CKAP5: variants seen among roughly 807,000 people sequenced by gnomAD.
The protein encoded by CKAP5 is cytoskeleton-associated protein 5.
CKAP5 carries 27 observed loss-of-function variants against 232.8 expected under a neutral mutation model. The ratio of observed to expected loss-of-function variants is 0.12; its 90% CI spans 0.09 to 0.16. The LOEUF (loss-of-function observed/expected upper bound fraction) is 0.16. Ranked by LOEUF, CKAP5 falls within the 10% of genes least tolerant of loss-of-function variation. CKAP5 has a pLI of 1.00. For missense variants in CKAP5, 1,838 were observed against 2,424.7 expected, an observed-to-expected ratio of 0.76 and a Z score of 5.08; for synonymous variants, 785 against 841.1, an observed-to-expected ratio of 0.93 and a Z score of 1.16.
chr11:46,797,989 T>C lies in CKAP5; in HGVS notation c.1174-20A>G. ...TGTGGTCTTTAGAAAGAAAATGTGG[T>C]TAATGAGCTTTTTTCAATTGTAAAG... On this transcript the variant is annotated intron_variant, in intron 10 of 43. Coordinates refer to ENST00000529230, the MANE Select transcript of CKAP5 (RefSeq NM_001008938.4). The C allele has an allele frequency of 6.2e-7, 1 of 1,608,062 alleles. No homozygotes were observed. The highest frequency in any genetic ancestry group is 8.5e-7 in the Non-Finnish European group (1 of 1,178,004).
At position 46,743,908 on chromosome 11, in the gene CKAP5, G is replaced by C. The variant is rs1023346479; in HGVS notation, c.*115C>G. ...CAATGACTCCTCCCCCTAGCTCCAC[G>C]GCATGATACATACAACCAGTTTGTA... On this transcript the variant is annotated 3_prime_UTR_variant, in exon 44 of 44. Coordinates refer to ENST00000529230, the MANE Select transcript of CKAP5 (RefSeq NM_001008938.4). The C allele has an allele frequency of 2.2e-5, 29 of 1,313,160 alleles. No individual in the cohort carries two copies. The highest frequency in any genetic ancestry group is 3.0e-5 in the Non-Finnish European group (28 of 934,992). 81.3% of individuals were successfully genotyped at this position (1,313,160 alleles called of 1,614,324 possible). A position where few individuals can be genotyped will look rare whatever the true frequency, so the allele number is the denominator to read the frequency against.
At chr11:46,756,508 T>A (rs964665373) in intron 35 of CKAP5, among the ~76,000 whole-genome samples, 1 of 152,242 alleles carries the variant, frequency 6.6e-6, no homozygotes, top group Non-Finnish European at 1.5e-5. Flanking sequence ...CTTTAGGGTA[T>A]ACTTATTAAC....
intron 42 of CKAP5, among the ~76,000 whole-genome samples, chr11:46,747,723 T>C (rs2065032595): frequency 6.6e-6 from 1 of 151,976 alleles, no homozygotes; most frequent in African/African-American, 2.4e-5. Flanking sequence ...AAATAGCCAG[T>C]GCAAAGGCCC....
intron 36 of CKAP5, among the ~76,000 whole-genome samples, chr11:46,754,573 C>A (rs764123935): frequency 1.2e-4 from 19 of 152,014 alleles, no homozygotes; most frequent in Non-Finnish European, 2.8e-4. Context: ...CTGATCAAAC[C>A]AGGCTAATTA....
intron 24 of CKAP5, among the ~76,000 whole-genome samples, chr11:46,771,594 T>C (rs1188358830): frequency 6.6e-6 from 1 of 152,192 alleles, no homozygotes; most frequent in Non-Finnish European, 1.5e-5. Flanking sequence ...ATTCCATGTA[T>C]GGATGTACAA....
intron 1 of CKAP5, among the ~76,000 whole-genome samples, chr11:46,822,832 T>C (rs1939571105): frequency 6.6e-6 from 1 of 151,206 alleles, no homozygotes; most frequent in Non-Finnish European, 1.5e-5. Flanking sequence ...CTAGCAAACA[T>C]GACTAGTCAA....
chr11:46,822,568 G>A (rs568953645), intron 1 of CKAP5, among the ~76,000 whole-genome samples: 17 of 151,834 alleles, frequency 1.1e-4, no homozygotes, highest in Non-Finnish European at 1.9e-4. Flanking sequence ...TGGCTAACAC[G>A]GTGAAATCCC....
rs1179495361 is a variant in CKAP5, at chr11:46,743,869, A to AAAT, written c.*151_*153dup. On this transcript the variant is annotated 3_prime_UTR_variant, in exon 44 of 44. Coordinates refer to ENST00000529230, the MANE Select transcript of CKAP5 (RefSeq NM_001008938.4). ...TGACAGAGAGAAGCAGAGTATGTAC[A>AAAT]AATACTTGTGCCACAATGACTCCTC... 7.7e-6 allele frequency: 7 copies of AAAT among 903,468 alleles called. No individual in the cohort carries two copies. The Admixed American group carries it at 1.5e-4, about 19-fold the overall frequency. 56.0% of individuals were successfully genotyped at this position (903,468 alleles called of 1,614,324 possible). A position where few individuals can be genotyped will look rare whatever the true frequency, so the allele number is the denominator to read the frequency against.
At chr11:46,787,182 G>A (rs1039652129) in intron 16 of CKAP5, among the ~76,000 whole-genome samples, 5 of 152,112 alleles carry the variant, frequency 3.3e-5, no homozygotes, top group African/African-American at 1.2e-4. Flanking sequence ...TGGTGTGAGA[G>A]GAAGAGGGCA....
At chr11:46,812,785 G>C (rs941953867) in intron 4 of CKAP5, among the ~76,000 whole-genome samples, 3 of 151,902 alleles carry the variant, frequency 2.0e-5, no homozygotes, top group Non-Finnish European at 4.4e-5. Flanking sequence ...CTACAGAGGG[G>C]CACCACCATG....
chr11:46,754,189 G>C (rs1164425944), intron 36 of CKAP5, among the ~76,000 whole-genome samples: 1 of 151,878 alleles, frequency 6.6e-6, no homozygotes, highest in Non-Finnish European at 1.5e-5. Context: ...AGTAGAGATG[G>C]GGTTTCACCA....
intron 24 of CKAP5, among the ~76,000 whole-genome samples, chr11:46,772,033 CTT>C (rs57706275): frequency 0.64 from 90,564 of 142,080 alleles, 29,973 homozygotes; most frequent in Non-Finnish European, 0.75. Context: ...CACTGAGCAT[CTT>C]TTTTTTTTTT....
chr11:46,752,855 ATTCAG>A (rs1356999218), intron 37 of CKAP5, 145 bp from the exon 38 acceptor site: 1 of 587,948 alleles, frequency 1.7e-6, no homozygotes, highest in African/African-American at 1.9e-5. Context: ...ACTACCTGAC[ATTCAG>A]TTAAGAAAAT....
intron 18 of CKAP5, 80 bp downstream of exon 18, chr11:46,783,194 A>C: frequency 1.3e-6 from 1 of 757,734 alleles, no homozygotes. Flanking sequence ...ATAAACAGCA[A>C]TAGCTATTAT....
chr11:46,767,153 C>G (rs1287628241), intron 27 of CKAP5, among the ~76,000 whole-genome samples: 1 of 152,050 alleles, frequency 6.6e-6, no homozygotes, highest in East Asian at 1.9e-4. Context: ...TCCCAAGTAG[C>G]TGGGATTACA....
chr11:46,781,726 C>T (rs915513962), intron 18 of CKAP5, among the ~76,000 whole-genome samples: 3 of 152,140 alleles, frequency 2.0e-5, no homozygotes, highest in Non-Finnish European at 4.4e-5. Context: ...AGGAAGAACT[C>T]TTCAACTACT....
rs113176495 is a variant in CKAP5 at position 46,767,796 on chromosome 11, GT to G, written c.3323-134del. On this transcript the variant is annotated intron_variant, in intron 26 of 43. Coordinates refer to ENST00000529230, the MANE Select transcript of CKAP5 (RefSeq NM_001008938.4). ...TCAATTTATAAGATGTTTTCAGTTA[GT>G]TTTTTTTTTATGAGACAGGATTTTG... 2.1e-3 allele frequency: 1,000 copies of G among 483,086 alleles called. 1 individual carries two copies. Among genetic ancestry groups the G allele is most frequent in the South Asian group, 3.7e-3 (117 of 31,286 alleles). The allele number at this position is 483,086 out of a possible 1,614,324, so 29.9% of individuals were successfully genotyped here.
chr11:46,760,819 TAACAC>T (rs1416937023), intron 32 of CKAP5, 35 bp from the exon 33 acceptor site: 1 of 1,565,818 alleles, frequency 6.4e-7, no homozygotes, highest in African/African-American at 1.4e-5. Context: ...CCTAACTGGA[TAACAC>T]AATAATATCT....
intron 15 of CKAP5, among the ~76,000 whole-genome samples, chr11:46,789,364 T>C (rs372234808): frequency 2.0e-5 from 3 of 152,300 alleles, no homozygotes; most frequent in African/African-American, 7.2e-5. Flanking sequence ...GAGGTTTTCA[T>C]ACCAATGGAT....
Sources: allele counts gnomAD v4.1 joint callset (sites outside exome capture counted in the v4.1 genomes callset), GRCh38; gene constraint gnomAD v4.1.1; transcripts MANE v1.5; gene names NCBI Gene and HGNC (gene_info 2026-07-23, HGNC 2026-07-21).